The following RAB43 variants were observed in gnomAD, a reference collection of about 807,000 sequenced individuals.
The protein encoded by RAB43 is RAB43, member RAS oncogene family, also known as ras-related protein Rab-43.
A neutral mutation model predicts 18.8 loss-of-function variants in RAB43; 6 were observed. The observed-to-expected ratio is 0.32, with a 90% CI of 0.17 to 0.63. The LOEUF is 0.63. Ranked by LOEUF, RAB43 falls within the 30% of genes least tolerant of loss-of-function variation. The pLI, the probability that RAB43 is intolerant of heterozygous loss-of-function variation, is 0.79. For missense variants in RAB43, 195 were observed against 289.1 expected (o/e 0.67, Z 2.36); for synonymous variants, 103 against 124.1 (o/e 0.83, Z 1.13).
chr3:129,114,431 C>T (rs1004599230), intron 1 of RAB43, among the ~76,000 whole-genome samples: 3 of 152,158 alleles, frequency 2.0e-5, no homozygotes, highest in Admixed American at 6.6e-5. Flanking sequence ...ACAAATGGGC[C>T]TTCATTTCCT....
rs1281544248 is a variant in RAB43 at position 129,095,451 on chromosome 3, C to T, written c.205-282G>A. On this transcript the variant is annotated intron_variant, in intron 1 of 2. Transcript: ENST00000315150. This position sits in a 1 kb window ranked among gnomAD's most constrained non-coding sequence, Gnocchi z 4.2. ...TCCTCCGCGTGCCCCTCCGTGTGCC[C>T]CTCTCCCCTCAGGACTGGGCCCACT... is the stretch of plus-strand genomic sequence containing the variant. Among the ~76,000 whole-genome samples, 1 of 152,188 alleles carries T rather than the reference C, an allele frequency of 6.6e-6. No individual in the cohort carries two copies. The highest frequency in any genetic ancestry group is 1.5e-5 in the Non-Finnish European group (1 of 68,034).
intron 1 of RAB43, among the ~76,000 whole-genome samples, chr3:129,100,970 C>CTA (rs1934376613): frequency 6.6e-6 from 1 of 152,202 alleles, no homozygotes; most frequent in Non-Finnish European, 1.5e-5. Context: ...CCACACCCAG[C>CTA]TAATTTTGTA....
At chr3:129,092,623 CATAA>C (rs780349581) in intron 2 of RAB43, 185 of 577,036 alleles carry the variant, frequency 3.2e-4, no homozygotes, top group Non-Finnish European at 4.9e-4. Context: ...TATAAGTATG[CATAA>C]ATAAATAGAT....
chr3:129,097,364 T>C (rs1934126369), intron 1 of RAB43, among the ~76,000 whole-genome samples: 1 of 152,180 alleles, frequency 6.6e-6, no homozygotes, highest in South Asian at 2.1e-4. Context: ...CATGTGGCAT[T>C]AGACAGCCAA....
intron 2 of RAB43, among the ~76,000 whole-genome samples, chr3:129,093,134 G>A (rs1043648531): frequency 6.6e-6 from 1 of 151,868 alleles, no homozygotes; most frequent in Non-Finnish European, 1.5e-5. Flanking sequence ...GGGATTACAG[G>A]TGTGTGCCAC....
intron 1 of RAB43, among the ~76,000 whole-genome samples, chr3:129,105,089 G>A (rs1021465136): frequency 6.6e-6 from 1 of 152,202 alleles, no homozygotes; most frequent in Non-Finnish European, 1.5e-5. Context: ...GCAGTAAGGA[G>A]ACAGGACTTG....
chr3:129,109,569 T>C lies in RAB43; in HGVS notation c.204+11717A>G, dbSNP rs1198874413. ...CTGGCCAACAGAGTGAAACCCCGTC[T>C]CTACTAAAAATACAAAAAAAAATTA... On this transcript the variant is annotated intron_variant, in intron 1 of 2. Coordinates refer to ENST00000315150, the MANE Select transcript of RAB43 (RefSeq NM_198490.3). 5.3e-5 allele frequency among the ~76,000 whole-genome samples: 8 copies of C among 149,628 alleles called. No individual in the cohort carries two copies. In the East Asian group the frequency reaches 1.6e-3, roughly 30 times the overall value.
chr3:129,091,490 A>G (rs970605066), intron 2 of RAB43, 144 bp from the exon 3 acceptor site: 9 of 1,176,942 alleles, frequency 7.6e-6, no homozygotes, highest in Non-Finnish European at 1.1e-5. Context: ...GTCTTTCTTT[A>G]AAAAACCTTT....
chr3:129,098,643 A>G lies in RAB43; in HGVS notation c.205-3474T>C, dbSNP rs192474394. Among the ~76,000 whole-genome samples, 5 of 152,374 alleles carry G rather than the reference A, an allele frequency of 3.3e-5. No individual in the cohort carries two copies. In the East Asian group the frequency reaches 9.6e-4, roughly 29 times the overall value. On this transcript the variant is annotated intron_variant, in intron 1 of 2. Transcript: ENST00000315150. ...TAAAGCAGCGATTTTAAATATGTTC[A>G]GAAAATTACAAGGAAAGTATGTTCA...
intron 1 of RAB43, among the ~76,000 whole-genome samples, chr3:129,118,112 T>C (rs1323366999): frequency 6.6e-6 from 1 of 152,160 alleles, no homozygotes; most frequent in Non-Finnish European, 1.5e-5. Flanking sequence ...CGTGGGGATC[T>C]AGAGGCAGAG....
At chr3:129,092,349 TG>T (rs1387067419) in intron 2 of RAB43, among the ~76,000 whole-genome samples, 1 of 152,218 alleles carries the variant, frequency 6.6e-6, no homozygotes, top group African/African-American at 2.4e-5. Context: ...TGAAATGGTT[TG>T]ATGTGAATTT....
In RAB43 at chr3:129,103,812, G is replaced by A. The variant is rs193270675; in HGVS notation, c.205-8643C>T. Among the ~76,000 whole-genome samples the A allele has an allele frequency of 1.3e-3, 192 of 152,218 alleles. No individual in the cohort carries two copies. The East Asian group carries it at 0.016, about 13-fold the overall frequency. ...ACTCCTGACCTCAGGTGATCTGCCC[G>A]CTTTGGCCTCCCAAAGTGCTGGGAT... On this transcript the variant is annotated intron_variant, in intron 1 of 2. Coordinates refer to ENST00000315150, the MANE Select transcript of RAB43 (RefSeq NM_198490.3).
At chr3:129,118,190 G>A (rs1424487389) in intron 1 of RAB43, among the ~76,000 whole-genome samples, 1 of 152,184 alleles carries the variant, frequency 6.6e-6, no homozygotes, top group African/African-American at 2.4e-5. Context: ...TGAAGGGCTA[G>A]TGAAGCTGGA....
Position 129,104,402 on chromosome 3 carries a change from T to C in RAB43, c.205-9233A>G, listed in dbSNP as rs775362568. On this transcript the variant is annotated intron_variant, in intron 1 of 2. Transcript: ENST00000315150. ...AGCATATCACCAGCTATTTGAACTT[T>C]TCCCAGCAGGCTTGTCTTATAATTG... Among the ~76,000 whole-genome samples the C allele has an allele frequency of 7.9e-5, 12 of 152,214 alleles. No homozygotes were observed. The East Asian group carries it at 9.6e-4, about 12-fold the overall frequency.
At chr3:129,122,097 G>C (rs559016227), upstream of RAB43, 1 of 130,302 alleles carries the variant, frequency 7.7e-6, no homozygotes, top group Non-Finnish European at 1.6e-5. Flanking sequence ...TCCGTCCCCA[G>C]CTCCGACCTC....
intron 1 of RAB43, among the ~76,000 whole-genome samples, chr3:129,100,889 C>T (rs181554742): frequency 3.3e-5 from 5 of 152,356 alleles, no homozygotes; most frequent in Admixed American, 2.6e-4. Context: ...TCACCGCAAC[C>T]TCTGTCTCCC....
intron 1 of RAB43, among the ~76,000 whole-genome samples, chr3:129,120,752 G>C (rs1334411028): frequency 6.6e-6 from 1 of 152,216 alleles, no homozygotes; most frequent in Non-Finnish European, 1.5e-5. Context: ...ACTGCAGGGA[G>C]GCGTGGCCAG....
intron 1 of RAB43, among the ~76,000 whole-genome samples, chr3:129,097,016 G>A (rs1433556807): frequency 5.3e-5 from 8 of 152,160 alleles, no homozygotes; most frequent in African/African-American, 1.9e-4. Context: ...GGAAGGCTGA[G>A]GCAGGAGAAT....
intron 1 of RAB43, among the ~76,000 whole-genome samples, chr3:129,102,048 G>C (rs1196839405): frequency 6.6e-6 from 1 of 152,194 alleles, no homozygotes; most frequent in Non-Finnish European, 1.5e-5. Flanking sequence ...AGAAGAGAGA[G>C]GCCTCCGCAC....
Sources: gnomAD v4.1 joint callset for allele counts (sites outside exome capture counted in the v4.1 genomes callset) on GRCh38, gnomAD v4.1.1 for gene constraint, Gnocchi (gnomAD v3.1) non-coding constraint, MANE v1.5 for transcripts, NCBI Gene and HGNC (gene_info 2026-07-23, HGNC 2026-07-21) for gene names.